Variants in PGAP6 observed in about 807,000 individuals in gnomAD.
PGAP6 encodes post-GPI attachment to proteins 6.
Under a neutral mutation model 68.4 loss-of-function variants are expected in PGAP6, and 62 were observed. The ratio of observed to expected loss-of-function variants is 0.91; its 90% CI spans 0.74 to 1.12. PGAP6 has a LOEUF of 1.12. Among genes scored for constraint, PGAP6 ranks in the 50% most tolerant of loss-of-function variants. The pLI is 0.00. For synonymous variants in PGAP6, 575 were observed against 474.0 expected (o/e 1.21, Z -2.77); for missense variants, 1,188 against 1,068.5 (o/e 1.11, Z -1.56).
Position 377,854 on chromosome 16 carries a change from A to G in PGAP6, c.122-6T>C. 6.5e-7 allele frequency: 1 copy of G among 1,550,174 alleles called. No individual in the cohort carries two copies. Among genetic ancestry groups the G allele is most frequent in the South Asian group, 1.2e-5 (1 of 83,980 alleles). On this transcript the variant is annotated splice_region_variant and splice_polypyrimidine_tract_variant and intron_variant, in intron 1 of 12. Coordinates refer to ENST00000431232, the MANE Select transcript of PGAP6 (RefSeq NM_021259.3). ...CTCGGACACCAGCCCCACCTCTGTG[A>G]GGAGAAGGAGGTGTCAGCCAGGCCG...
At chr16:380,521 C>T (rs1188088064) in intron 1 of PGAP6, among the ~76,000 whole-genome samples, 1 of 152,118 alleles carries the variant, frequency 6.6e-6, no homozygotes, top group Admixed American at 6.6e-5. Flanking sequence ...CATGCGCCAC[C>T]ACTGCCGGCT....
At chr16:373,891 C>A (rs1200387777) in intron 11 of PGAP6, 114 bp downstream of exon 11, 31 of 1,328,294 alleles carry the variant, frequency 2.3e-5, no homozygotes, top group Non-Finnish European at 3.0e-5. Context: ...TGTGAGGTTT[C>A]CAGGGGCCGT....
Position 377,386 on chromosome 16 carries a change from C to G in PGAP6, c.499G>C (p.Glu167Gln), listed in dbSNP as rs531585905. 1.9e-6 allele frequency: 3 copies of G among 1,594,618 alleles called. No homozygotes were observed. The highest frequency in any genetic ancestry group is 2.6e-6 in the Non-Finnish European group (3 of 1,169,414). The stretch of plus-strand genomic sequence containing the variant: ...AGGGCAGCCCCCCTCACCTTCAACT[C>G]GATCTTCTGGGATGAGGGGGGCAGG... ...AHLPPSSQKIELKGLAPTCAY... is the reference protein window; with the variant it reads ...AHLPPSSQKIQLKGLAPTCAY... The change falls in exon 3 of 13, where the codon GAG (glutamate) becomes CAG (glutamine). Residue 167 changes from glutamate to glutamine, a missense_variant. By Grantham distance (29) the Glu-to-Gln change is conservative. Transcript: ENST00000431232.
chr16:376,896 G>A, intron 4 of PGAP6, 84 bp from the exon 5 acceptor site: 4 of 1,566,848 alleles, frequency 2.6e-6, no homozygotes, highest in Non-Finnish European at 3.4e-6. Context: ...CTGTTCCTCA[G>A]CCCACTCTGG....
At chr16:384,196 C>G (rs1343485872), upstream of PGAP6, 1 of 152,604 alleles carries the variant, frequency 6.6e-6, no homozygotes, top group Non-Finnish European at 1.5e-5. Context: ...CCCCTCCTCC[C>G]ACTGCCCTCC....
At chr16:375,601 C>T (rs538961593) in intron 6 of PGAP6, among the ~76,000 whole-genome samples, 166 bp from the exon 7 acceptor site, 199 of 151,500 alleles carry the variant, frequency 1.3e-3, no homozygotes, top group Non-Finnish European at 1.7e-3. Flanking sequence ...GCCGCGATCT[C>T]GGCTCACTGC....
At chr16:378,788 G>A (rs921858017) in intron 1 of PGAP6, among the ~76,000 whole-genome samples, 7 of 152,246 alleles carry the variant, frequency 4.6e-5, no homozygotes, top group African/African-American at 1.4e-4. Flanking sequence ...ATGTGGGAGG[G>A]ACCCAGGCCA....
chr16:383,500 T>A (rs2054462089), upstream of PGAP6: 1 of 152,208 alleles, frequency 6.6e-6, no homozygotes, highest in Non-Finnish European at 1.5e-5. Flanking sequence ...TGCGTGTCAC[T>A]GGCCGGTGGG....
intron 6 of PGAP6, among the ~76,000 whole-genome samples, 160 bp from the exon 7 acceptor site, chr16:375,595 C>T (rs1219827630): frequency 2.6e-5 from 4 of 151,108 alleles, no homozygotes; most frequent in African/African-American, 7.3e-5. Context: ...GGCAGTGCCG[C>T]GATCTCGGCT....
Position 377,663 on chromosome 16 carries a change from C to G in PGAP6, c.299+8G>C. ...GGAGGGTGGGCAGGCGGGCGGGCAG[C>G]CACCTACACGGTGATCTCCGCGTCG... On this transcript the variant is annotated splice_region_variant and intron_variant, in intron 2 of 12. Transcript: ENST00000431232. 1 of 1,575,642 alleles carries G rather than the reference C, an allele frequency of 6.3e-7. No homozygotes were observed. Among genetic ancestry groups the G allele is most frequent in the Non-Finnish European group, 8.6e-7 (1 of 1,161,518 alleles).
Position 377,188 on chromosome 16 carries a change from G to A in PGAP6, c.508-24C>T, listed in dbSNP as rs201071714. 9.3e-6 allele frequency: 15 copies of A among 1,612,366 alleles called. No individual in the cohort carries two copies. The East Asian group carries it at 2.0e-4, about 22-fold the overall frequency. On this transcript the variant is annotated intron_variant, in intron 3 of 12. Transcript: ENST00000431232. Reference sequence around the variant, plus strand: ...CCCTAGGGAAAGAACAGGTGTGGGCGGGGGCGGTGTCAGAGAATGCAGGTG... The same window carrying A: ...CCCTAGGGAAAGAACAGGTGTGGGCAGGGGCGGTGTCAGAGAATGCAGGTG...
Position 371,704 on chromosome 16 carries a change from A to T in PGAP6, c.*283T>A. 2.3e-6 allele frequency: 1 copy of T among 437,076 alleles called. No individual in the cohort carries two copies. The highest frequency in any genetic ancestry group is 4.2e-6 in the Non-Finnish European group (1 of 236,822). The allele number at this position is 437,076 out of a possible 1,614,324, so 27.1% of individuals were successfully genotyped here. On this transcript the variant is annotated 3_prime_UTR_variant, in exon 13 of 13. Coordinates refer to ENST00000431232, the MANE Select transcript of PGAP6 (RefSeq NM_021259.3). ...GCAGAGCACACAGCCCCACCCTCGC[A>T]CAGGCACCTGTGGTCTCCAAGTAAC... is the stretch of plus-strand genomic sequence containing the variant.
rs200913077 is a variant in PGAP6, at chr16:372,600, C to T, written c.2019+11G>A. 53 of 1,602,920 alleles carry T rather than the reference C, an allele frequency of 3.3e-5. No individual in the cohort carries two copies. Among genetic ancestry groups the T allele is most frequent in the African/African-American group, 2.4e-4 (18 of 74,736 alleles). On this transcript the variant is annotated intron_variant, in intron 12 of 12. Coordinates refer to ENST00000431232, the MANE Select transcript of PGAP6 (RefSeq NM_021259.3). ...ACCTGGGCAGCAGTGCCAGCCAGCC[C>T]GGCTCCTTACCCACATGGAGGCCAT...
At chr16:380,614 G>A (rs1342765851) in intron 1 of PGAP6, among the ~76,000 whole-genome samples, 1 of 152,186 alleles carries the variant, frequency 6.6e-6, no homozygotes, top group Non-Finnish European at 1.5e-5. Flanking sequence ...TGATCCACCC[G>A]CCTCAGCCTC....
upstream of PGAP6, among the ~76,000 whole-genome samples, chr16:385,157 T>A (rs372165505): frequency 2.1e-5 from 3 of 140,964 alleles, no homozygotes; most frequent in African/African-American, 8.0e-5. Flanking sequence ...CCAGAGCAAG[T>A]CTCCATCTCA....
chr16:373,924 TC>T, intron 11 of PGAP6, 80 bp downstream of exon 11: 2 of 1,467,410 alleles, frequency 1.4e-6, no homozygotes. Flanking sequence ...GTCCGGCCTC[TC>T]CCACGGTACT....
chr16:379,670 A>T (rs2054421832), intron 1 of PGAP6, among the ~76,000 whole-genome samples: 1 of 152,158 alleles, frequency 6.6e-6, no homozygotes. Context: ...GCCTGAGGGC[A>T]CCTAGAACCC....
At chr16:376,925 A>G in intron 4 of PGAP6, 112 bp downstream of exon 4, 16 of 1,558,576 alleles carry the variant, frequency 1.0e-5, no homozygotes, top group Non-Finnish European at 1.4e-5. Context: ...AGGCATCTGG[A>G]CCACTTCCCA....
chr16:376,577 T>C lies in PGAP6; in HGVS notation c.871A>G (p.Thr291Ala), dbSNP rs760169864. 2 of 1,569,962 alleles carry C rather than the reference T, an allele frequency of 1.3e-6. No individual in the cohort carries two copies. Among genetic ancestry groups the C allele is most frequent in the East Asian group, 4.5e-5 (2 of 44,508 alleles). The change falls in exon 5 of 13, where the codon ACA becomes GCA. Residue 291 changes from threonine (T) to alanine (A), a missense_variant. Thr to Ala is a moderately conservative substitution (Grantham distance 58, BLOSUM62 0). Coordinates refer to ENST00000431232, the MANE Select transcript of PGAP6 (RefSeq NM_021259.3). ...GCAGCTACAGCACTGAAAGCCACTG[T>C]CCCGAGGGGCCCCACCAGGCTCTCA... ...TAESLVGPLG[T>A]VAFSAVAALT...
Sources: gnomAD v4.1 joint callset for allele counts (sites outside exome capture counted in the v4.1 genomes callset) on GRCh38, gnomAD v4.1.1 for gene constraint, MANE v1.5 for transcripts, NCBI Gene and HGNC (gene_info 2026-07-23, HGNC 2026-07-21) for gene names.